CCNY: variants seen among roughly 807,000 people sequenced by gnomAD.
The protein encoded by CCNY is cyclin-Y.
Under a neutral mutation model 42.8 loss-of-function variants are expected in CCNY, and 19 were observed. The observed-to-expected ratio is 0.44, with a 90% CI of 0.31 to 0.65. The LOEUF (loss-of-function observed/expected upper bound fraction) is 0.65, where lower values mean the gene tolerates loss of function less well. CCNY is among the 30% of genes least tolerant of loss of function. The pLI is 0.07. For missense variants in CCNY, 370 were observed against 437.3 expected (o/e 0.85, Z 1.37); for synonymous variants, 165 against 162.7 (o/e 1.01, Z -0.11).
chr10:35,517,415 A>G (rs1306965037), intron 4 of CCNY, among the ~76,000 whole-genome samples: 4 of 152,224 alleles, frequency 2.6e-5, no homozygotes, highest in African/African-American at 7.2e-5. Flanking sequence ...TTTTATCTCT[A>G]TACTTGTTTC....
At chr10:35,419,908 A>G (rs1838122309) in intron 1 of CCNY, among the ~76,000 whole-genome samples, 1 of 151,590 alleles carries the variant, frequency 6.6e-6, no homozygotes, top group Non-Finnish European at 1.5e-5. Context: ...AAAAGAAGAA[A>G]TAGATATGGC....
chr10:35,405,436 G>C (rs564691360), intron 1 of CCNY, among the ~76,000 whole-genome samples: 1 of 152,290 alleles, frequency 6.6e-6, no homozygotes, highest in Non-Finnish European at 1.5e-5. Flanking sequence ...AGGTACAGCT[G>C]TAGCCCAGGA....
chr10:35,407,615 G>A (rs1207273487), intron 1 of CCNY, among the ~76,000 whole-genome samples: 1 of 152,134 alleles, frequency 6.6e-6, no homozygotes, highest in African/African-American at 2.4e-5. Context: ...TTGTATTGGG[G>A]TCAAGCGGCA....
intron 1 of CCNY, among the ~76,000 whole-genome samples, chr10:35,395,822 T>A (rs1837512410): frequency 6.6e-6 from 1 of 152,218 alleles, no homozygotes; most frequent in Admixed American, 6.5e-5. Flanking sequence ...CACCTTCAGC[T>A]GTCCTGGGTG....
At chr10:35,479,746 C>G (rs1010682302) in intron 1 of CCNY, among the ~76,000 whole-genome samples, 1 of 151,236 alleles carries the variant, frequency 6.6e-6, no homozygotes, top group African/African-American at 2.4e-5. Flanking sequence ...TACCCTAAAA[C>G]TTAAAGTATA....
intron 1 of CCNY, among the ~76,000 whole-genome samples, chr10:35,446,940 T>G (rs1286016890): frequency 6.6e-6 from 1 of 152,238 alleles, no homozygotes; most frequent in East Asian, 1.9e-4. Flanking sequence ...ATAAATTGAT[T>G]ATACAGATTT....
intron 1 of CCNY, among the ~76,000 whole-genome samples, chr10:35,409,157 C>G (rs1228267181): frequency 1.3e-5 from 2 of 151,026 alleles, no homozygotes; most frequent in Non-Finnish European, 3.0e-5. Flanking sequence ...GCTCCTGATC[C>G]TAATCCAAGC....
intron 1 of CCNY, among the ~76,000 whole-genome samples, chr10:35,374,065 A>C (rs1836998346): frequency 6.6e-6 from 1 of 152,238 alleles, no homozygotes; most frequent in Non-Finnish European, 1.5e-5. Flanking sequence ...TTATAGCAAG[A>C]GGTGCAGCTT....
intron 1 of CCNY, among the ~76,000 whole-genome samples, chr10:35,352,102 C>T (rs533953698): frequency 2.6e-5 from 4 of 152,302 alleles, no homozygotes; most frequent in African/African-American, 4.8e-5. Context: ...TTAACGCTGA[C>T]GGTGGGTCAC....
chr10:35,567,596 G>A (rs1468197084), intron 9 of CCNY, among the ~76,000 whole-genome samples: 1 of 152,254 alleles, frequency 6.6e-6, no homozygotes, highest in Non-Finnish European at 1.5e-5. Flanking sequence ...CAGGTGGGAT[G>A]TTGTCACTCA....
intron 1 of CCNY, among the ~76,000 whole-genome samples, chr10:35,390,219 T>G (rs1837385632): frequency 6.6e-6 from 1 of 152,232 alleles, no homozygotes; most frequent in African/African-American, 2.4e-5. Context: ...TTTGACCTTG[T>G]CTAAATGCCT....
chr10:35,561,777 G>T (rs1841471821), intron 8 of CCNY, among the ~76,000 whole-genome samples: 1 of 152,220 alleles, frequency 6.6e-6, no homozygotes, highest in Non-Finnish European at 1.5e-5. Flanking sequence ...AGGGGTTCTG[G>T]CTTGGAAGGC....
At chr10:35,527,230 T>C (rs1479234107) in intron 5 of CCNY, among the ~76,000 whole-genome samples, 1 of 152,256 alleles carries the variant, frequency 6.6e-6, no homozygotes, top group Non-Finnish European at 1.5e-5. Context: ...TAGAGTAATG[T>C]ATCAGTGAAA....
In CCNY at chr10:35,432,718, T is replaced by C. The variant is rs116661581; in HGVS notation, c.155-50686T>C. Among the ~76,000 whole-genome samples the C allele has an allele frequency of 5.2e-3, 789 of 152,310 alleles. 2 individuals are homozygous for C. The highest frequency in any genetic ancestry group is 0.018 in the African/African-American group (762 of 41,566). On this transcript the variant is annotated intron_variant, in intron 1 of 9. Transcript: ENST00000374704. ...AACAAAAACAAGTTCACATTTTGGG[T>C]TTCATAAATTTAATTATGGTTAACT... is the stretch of plus-strand genomic sequence containing the variant.
At chr10:35,334,194 AGCCATGCTGTCACCTTAGT>A, upstream of CCNY, among the ~76,000 whole-genome samples, 1 of 152,330 alleles carries the variant, frequency 6.6e-6, no homozygotes, top group East Asian at 1.9e-4. Flanking sequence ...GCATGCAGCC[AGCCATGCTGTCACCTTAGT>A]GCCACTGTCT....
intron 3 of CCNY, among the ~76,000 whole-genome samples, chr10:35,514,876 T>C (rs998538016): frequency 1.3e-5 from 2 of 152,196 alleles, no homozygotes; most frequent in South Asian, 2.1e-4. Context: ...TTTTTGTTTG[T>C]AGTAGATTTT....
rs117884320 is a variant in CCNY at position 35,254,942 on chromosome 10, T to G, written c.-9+4316T>G. On this transcript the variant is annotated intron_variant, in intron 3 of 11. Coordinates refer to the CCNY transcript ENST00000374706. ...TAATTGATTCCTACCTTTATTCCAT[T>G]GTGGTCAGAGAGGATACGTTGTATG... Among the ~76,000 whole-genome samples the G allele has an allele frequency of 6.9e-3, 1,056 of 152,212 alleles. 11 individuals are homozygous for G. Among genetic ancestry groups the G allele is most frequent in the South Asian group, 0.015 (72 of 4,826 alleles).
intron 2 of CCNY, among the ~76,000 whole-genome samples, chr10:35,494,945 A>C (rs1839977596): frequency 6.6e-6 from 1 of 152,226 alleles, no homozygotes; most frequent in African/African-American, 2.4e-5. Flanking sequence ...AAAAATTTGA[A>C]ATCTGAAATG....
intron 4 of CCNY, among the ~76,000 whole-genome samples, chr10:35,525,109 A>G (rs558876331): frequency 6.6e-6 from 1 of 152,330 alleles, no homozygotes; most frequent in African/African-American, 2.4e-5. Context: ...AGTTAAGTAA[A>G]TTATTCGACA....
Sources: gnomAD v4.1 joint callset for allele counts (sites outside exome capture counted in the v4.1 genomes callset) on GRCh38, gnomAD v4.1.1 for gene constraint, MANE v1.5 for transcripts, NCBI Gene and HGNC (gene_info 2026-07-23, HGNC 2026-07-21) for gene names.